Variants in SPIN1 observed in about 807,000 individuals in gnomAD.
The protein encoded by SPIN1 is spindlin 1.
In SPIN1, 3 loss-of-function variants were observed where a neutral mutation model predicts 26.0. The ratio of observed to expected loss-of-function variants is 0.12; its 90% CI spans 0.05 to 0.30. The LOEUF (loss-of-function observed/expected upper bound fraction) is 0.30, where lower values mean the gene tolerates loss of function less well. SPIN1 is among the 10% of genes least tolerant of loss of function. SPIN1 has a pLI of 1.00. For synonymous variants in SPIN1, 101 were observed against 116.5 expected (o/e 0.87, Z 0.86); for missense variants, 126 against 333.4 (o/e 0.38, Z 4.84).
intron 2 of SPIN1, among the ~76,000 whole-genome samples, chr9:88,446,171 A>C (rs1376329776): frequency 6.6e-6 from 1 of 152,098 alleles, no homozygotes; most frequent in Non-Finnish European, 1.5e-5. Context: ...AATTGGGTTC[A>C]TATGCATTTA....
intron 1 of SPIN1, among the ~76,000 whole-genome samples, chr9:88,394,176 CTG>C (rs1454474919): frequency 6.6e-6 from 1 of 152,174 alleles, no homozygotes; most frequent in African/African-American, 2.4e-5. Flanking sequence ...CAAATACTCA[CTG>C]TTTTTCCTTA....
intron 1 of SPIN1, among the ~76,000 whole-genome samples, chr9:88,425,629 T>TGCGCCACTGCATTCCAGTCTG (rs960081508): frequency 3.3e-5 from 5 of 150,428 alleles, no homozygotes; most frequent in African/African-American, 1.2e-4. Context: ...GAGCCAAGGT[T>TGCGCCACTGCATTCCAGTCTG]GCGCCACTGC....
At chr9:88,429,862 C>T (rs1485297088) in intron 2 of SPIN1, among the ~76,000 whole-genome samples, 1 of 152,072 alleles carries the variant, frequency 6.6e-6, no homozygotes, top group East Asian at 1.9e-4. Flanking sequence ...CTCTGGTTAT[C>T]CCATTAGCAT....
chr9:88,393,232 T>TA (rs1826970756), intron 1 of SPIN1, among the ~76,000 whole-genome samples: 1 of 151,530 alleles, frequency 6.6e-6, no homozygotes, highest in Non-Finnish European at 1.5e-5. Context: ...AAAAGACTAG[T>TA]AAGGCATCTT....
chr9:88,434,152 G>A (rs1165346841), intron 2 of SPIN1, among the ~76,000 whole-genome samples: 1 of 151,852 alleles, frequency 6.6e-6, no homozygotes, highest in African/African-American at 2.4e-5. Flanking sequence ...TGGAGCATCT[G>A]AGTCTACACA....
chr9:88,394,302 A>G (rs1025058013), intron 1 of SPIN1, among the ~76,000 whole-genome samples: 2 of 152,268 alleles, frequency 1.3e-5, no homozygotes, highest in African/African-American at 4.8e-5. Context: ...TCTAAGGTTC[A>G]CTTTGTGCTT....
intron 3 of SPIN1, among the ~76,000 whole-genome samples, chr9:88,458,155 A>C (rs895449060): frequency 6.6e-6 from 1 of 152,238 alleles, no homozygotes; most frequent in Non-Finnish European, 1.5e-5. Context: ...CATTTGCGTT[A>C]GAAGCTTTAT....
intron 2 of SPIN1, among the ~76,000 whole-genome samples, chr9:88,447,801 T>G (rs1250910658): frequency 4.6e-5 from 7 of 152,136 alleles, no homozygotes; most frequent in Non-Finnish European, 8.8e-5. Flanking sequence ...AAGGGTGGTG[T>G]TCTTGGTTCC....
intron 1 of SPIN1, among the ~76,000 whole-genome samples, chr9:88,425,505 C>G (rs890566673): frequency 8.6e-5 from 13 of 151,798 alleles, no homozygotes; most frequent in Admixed American, 3.3e-4. Flanking sequence ...TGGTGAAACC[C>G]CATCTTTACT....
chr9:88,475,041 C>G (rs1828863145), intron 5 of SPIN1, 37 bp from the exon 6 acceptor site: 2 of 1,346,364 alleles, frequency 1.5e-6, no homozygotes, highest in Non-Finnish European at 1.9e-6. Context: ...AATTTTCTCT[C>G]TCTCTCTTTT....
At chr9:88,401,261 T>C (rs1827179264) in intron 1 of SPIN1, among the ~76,000 whole-genome samples, 1 of 152,206 alleles carries the variant, frequency 6.6e-6, no homozygotes, top group East Asian at 1.9e-4. Context: ...TCGAGAAAAA[T>C]TAGAAACAAC....
chr9:88,392,767 T>C (rs1826958927), intron 1 of SPIN1, among the ~76,000 whole-genome samples: 4 of 152,186 alleles, frequency 2.6e-5, no homozygotes, highest in Admixed American at 2.6e-4. Flanking sequence ...AAGTAAAATG[T>C]TTCATAGGCT....
At chr9:88,405,011 C>T (rs896229003) in intron 1 of SPIN1, among the ~76,000 whole-genome samples, 1 of 151,618 alleles carries the variant, frequency 6.6e-6, no homozygotes, top group Non-Finnish European at 1.5e-5. Flanking sequence ...GAAAGGTCTT[C>T]AGGTGCAATA....
chr9:88,461,482 G>A (rs1025574559), intron 3 of SPIN1, among the ~76,000 whole-genome samples: 12 of 152,156 alleles, frequency 7.9e-5, no homozygotes, highest in African/African-American at 2.4e-4. Context: ...CCAGTCTAGA[G>A]TAAATTATTT....
chr9:88,450,119 A>T (rs576008543), intron 3 of SPIN1, among the ~76,000 whole-genome samples: 2 of 152,376 alleles, frequency 1.3e-5, no homozygotes, highest in African/African-American at 4.8e-5. Context: ...CTCAAATTTT[A>T]TCCATGTGCT....
chr9:88,393,873 A>G (rs975348242), intron 1 of SPIN1, among the ~76,000 whole-genome samples: 2 of 151,470 alleles, frequency 1.3e-5, no homozygotes, highest in African/African-American at 4.9e-5. Context: ...ATTTTGAGAC[A>G]GTCTTGCTCT....
chr9:88,474,221 G>A (rs1156695276), intron 5 of SPIN1, among the ~76,000 whole-genome samples: 2 of 152,156 alleles, frequency 1.3e-5, no homozygotes, highest in East Asian at 3.9e-4. Context: ...AAAGAGCTTC[G>A]AGTTTTTCAG....
chr9:88,393,445 GTTTTTTTTTTTTTT>G (rs57244433), intron 1 of SPIN1, among the ~76,000 whole-genome samples: 2,464 of 88,478 alleles, frequency 0.028, 62 homozygotes, highest in Middle Eastern at 0.11. Flanking sequence ...TTGCTTTTGG[GTTTTTTTTTTTTTT>G]TTTTTTTTTT....
intron 1 of SPIN1, among the ~76,000 whole-genome samples, chr9:88,390,593 A>G (rs916381536): frequency 3.9e-5 from 6 of 152,182 alleles, no homozygotes; most frequent in African/African-American, 1.4e-4. Flanking sequence ...TTAATGCTGT[A>G]TTTATATTTG....
Sources: allele counts gnomAD v4.1 joint callset (sites outside exome capture counted in the v4.1 genomes callset), GRCh38; gene constraint gnomAD v4.1.1; transcripts MANE v1.5; gene names NCBI Gene and HGNC (gene_info 2026-07-23, HGNC 2026-07-21).